The following LIPC variants were observed in gnomAD, a reference collection of about 807,000 sequenced individuals.
LIPC encodes lipase C, hepatic type.
A neutral mutation model predicts 50.7 loss-of-function variants in LIPC; 44 were observed. That is an observed-to-expected ratio of 0.87 (90% CI 0.68 to 1.11). The LOEUF is 1.11. Ranked by LOEUF, LIPC falls within the 50% of genes most tolerant of loss-of-function variation. LIPC has a pLI of 0.00. For missense variants in LIPC, 697 were observed against 648.2 expected (o/e 1.08, Z -0.82); for synonymous variants, 271 against 256.4 (o/e 1.06, Z -0.54).
In LIPC at chr15:58,489,515, G is replaced by A. The variant is rs555258358; in HGVS notation, c.89-48818G>A. On this transcript the variant is annotated intron_variant, in intron 1 of 8. Coordinates refer to ENST00000299022, the MANE Select transcript of LIPC (RefSeq NM_000236.3). ...ATGAAATCATAGGGTTATGGAAAAC[G>A]GTCCTTGTGCACTCAGTTGGCCTCT... 1.6e-4 allele frequency among the ~76,000 whole-genome samples: 25 copies of A among 152,206 alleles called. 1 individual carries two copies. Among genetic ancestry groups the A allele is most frequent in the African/African-American group, 5.5e-4 (23 of 41,522 alleles).
intron 1 of LIPC, among the ~76,000 whole-genome samples, chr15:58,478,531 C>T (rs867990088): frequency 2.0e-5 from 3 of 152,154 alleles, no homozygotes; most frequent in East Asian, 1.9e-4. Flanking sequence ...TGAGCCACTG[C>T]GCCCAGCCAG....
intron 8 of LIPC, chr15:58,566,176 T>C (rs1894359995): frequency 2.0e-6 from 2 of 985,286 alleles, no homozygotes; most frequent in Non-Finnish European, 2.4e-6. Flanking sequence ...ACACTTTGAA[T>C]AGTGAGAGTC....
chr15:58,440,096 A>C (rs1893452394), intron 1 of LIPC, among the ~76,000 whole-genome samples: 2 of 152,334 alleles, frequency 1.3e-5, no homozygotes, highest in African/African-American at 4.8e-5. Flanking sequence ...GATATTTGTG[A>C]AAATGTATTT....
Position 58,432,172 on chromosome 15 carries a change from C to T in LIPC, c.88+52C>T, listed in dbSNP as rs8192701. ...TGGGCATGAACTTTTCTTTTTAAAACGTGTGTCACAAAGAATCCAGGGGTT... is the reference window on the plus strand; with the variant it reads ...TGGGCATGAACTTTTCTTTTTAAAATGTGTGTCACAAAGAATCCAGGGGTT... On this transcript the variant is annotated intron_variant, in intron 1 of 8. Coordinates refer to ENST00000299022, the MANE Select transcript of LIPC (RefSeq NM_000236.3). The T allele has an allele frequency of 0.14, 178,988 of 1,315,820 alleles. 13,239 individuals are homozygous for T. Among genetic ancestry groups the T allele is most frequent in the South Asian group, 0.15 (12,933 of 85,074 alleles). 81.5% of individuals were successfully genotyped at this position (1,315,820 alleles called of 1,614,324 possible).
intron 6 of LIPC, among the ~76,000 whole-genome samples, chr15:58,551,823 T>C (rs2140934843): frequency 6.6e-6 from 1 of 152,346 alleles, no homozygotes; most frequent in African/African-American, 2.4e-5. Context: ...GCCTCCTGAT[T>C]GTAGTTTCAC....
intron 1 of LIPC, among the ~76,000 whole-genome samples, chr15:58,516,237 C>CTT (rs11351202): frequency 0.076 from 3,435 of 44,908 alleles, 116 homozygotes; most frequent in Non-Finnish European, 0.11. Flanking sequence ...CCTCTAGCTT[C>CTT]TTTTTTTTTT....
At chr15:58,474,441 G>A (rs570526718) in intron 1 of LIPC, among the ~76,000 whole-genome samples, 2 of 151,312 alleles carry the variant, frequency 1.3e-5, no homozygotes, top group Non-Finnish European at 1.5e-5. Context: ...GGATCAGAAG[G>A]TCAAGGCTGC....
chr15:58,466,717 T>C lies in LIPC; in HGVS notation c.88+34597T>C, dbSNP rs116251534. The stretch of plus-strand genomic sequence containing the variant: ...TCTGCATCAAAGGTCATCTTCTATT[T>C]TCCTGCCCATTCATATGACCCCATA... On this transcript the variant is annotated intron_variant, in intron 1 of 8. Coordinates refer to ENST00000299022, the MANE Select transcript of LIPC (RefSeq NM_000236.3). Among the ~76,000 whole-genome samples, 742 of 152,340 alleles carry C rather than the reference T, an allele frequency of 4.9e-3. 6 individuals carry two copies. Among genetic ancestry groups the C allele is most frequent in the African/African-American group, 0.017 (710 of 41,576 alleles).
At chr15:58,481,430 G>A (rs1891184959) in intron 1 of LIPC, among the ~76,000 whole-genome samples, 1 of 152,148 alleles carries the variant, frequency 6.6e-6, no homozygotes, top group South Asian at 2.1e-4. Flanking sequence ...GCAAAAGACT[G>A]GAAACAAATG....
chr15:58,503,856 C>A (rs1892064354), intron 1 of LIPC, among the ~76,000 whole-genome samples: 1 of 152,144 alleles, frequency 6.6e-6, no homozygotes, highest in East Asian at 1.9e-4. Flanking sequence ...TTTCCAGGCA[C>A]AGGGCCCACA....
chr15:58,448,262 GT>G lies in LIPC; in HGVS notation c.88+16145del, dbSNP rs1246513673. On this transcript the variant is annotated intron_variant, in intron 1 of 8. Transcript: ENST00000299022. ...CAAGTCCCTTCCTGTCTGCCAAAAG[GT>G]TTCTAAGCAGTTTCCAAGCCGTTTC... Among the ~76,000 whole-genome samples the G allele has an allele frequency of 1.1e-3, 174 of 152,298 alleles. 1 individual carries two copies. The highest frequency in any genetic ancestry group is 4.1e-3 in the African/African-American group (169 of 41,562).
chr15:58,500,330 A>G (rs1371399177), intron 1 of LIPC, among the ~76,000 whole-genome samples: 1 of 152,208 alleles, frequency 6.6e-6, no homozygotes. Flanking sequence ...AGCGCCCAAC[A>G]GATGGTGGTG....
chr15:58,541,661 C>A, intron 2 of LIPC, 124 bp from the exon 3 acceptor site: 1 of 967,980 alleles, frequency 1.0e-6, no homozygotes, highest in Non-Finnish European at 1.6e-6. Context: ...AAAATGTCAA[C>A]TGTGCATGGC....
rs72740889 is a variant in LIPC at position 58,457,448 on chromosome 15, G to A, written c.88+25328G>A. Among the ~76,000 whole-genome samples, 802 of 152,288 alleles carry A rather than the reference G, an allele frequency of 5.3e-3. 1 individual carries two copies. The highest frequency in any genetic ancestry group is 9.0e-3 in the Non-Finnish European group (615 of 68,018). ...CTAAGCACTCCTCAAATTTACCTGTGGACAGCAAGAAGGCCTACAAGGCAC... is the reference window on the plus strand; with the variant it reads ...CTAAGCACTCCTCAAATTTACCTGTAGACAGCAAGAAGGCCTACAAGGCAC... On this transcript the variant is annotated intron_variant, in intron 1 of 8. Transcript: ENST00000299022.
chr15:58,551,135 C>T (rs1228487113), intron 6 of LIPC, among the ~76,000 whole-genome samples: 1 of 152,092 alleles, frequency 6.6e-6, no homozygotes, highest in African/African-American at 2.4e-5. Context: ...CTGTGCCCAG[C>T]CCATACCCTC....
intron 1 of LIPC, among the ~76,000 whole-genome samples, chr15:58,500,346 G>A (rs761751880): frequency 9.9e-5 from 15 of 152,158 alleles, no homozygotes; most frequent in Non-Finnish European, 1.9e-4. Context: ...TGGTGATGAC[G>A]ATGTTGGAAT....
At chr15:58,492,444 G>A (rs1026146264) in intron 1 of LIPC, among the ~76,000 whole-genome samples, 5 of 152,154 alleles carry the variant, frequency 3.3e-5, no homozygotes, top group Non-Finnish European at 2.9e-5. Context: ...TGGCAAGTCT[G>A]TACTAAGCAT....
intron 1 of LIPC, among the ~76,000 whole-genome samples, chr15:58,511,515 C>T (rs1208723443): frequency 1.3e-5 from 2 of 152,174 alleles, no homozygotes; most frequent in African/African-American, 2.4e-5. Context: ...AGGGTTAGGG[C>T]CCAGGCAAGT....
At chr15:58,511,907 T>A (rs11629762) in intron 1 of LIPC, among the ~76,000 whole-genome samples, 14,771 of 152,180 alleles carry the variant, frequency 0.097, 930 homozygotes, top group Non-Finnish European at 0.15. Context: ...GACAAAACAT[T>A]GAGTTATAAA....
Sources: gnomAD v4.1 joint callset for allele counts (sites outside exome capture counted in the v4.1 genomes callset) on GRCh38, gnomAD v4.1.1 for gene constraint, MANE v1.5 for transcripts, NCBI Gene and HGNC (gene_info 2026-07-23, HGNC 2026-07-21) for gene names.